Variants in EXT1 observed in about 807,000 individuals in gnomAD.
EXT1 encodes exostosin-1.
A neutral mutation model predicts 82.5 loss-of-function variants in EXT1; 20 were observed. The observed-to-expected ratio is 0.24, with a 90% CI of 0.17 to 0.35. The LOEUF is 0.35. Ranked by LOEUF, EXT1 falls within the 10% of genes least tolerant of loss-of-function variation. The pLI, the probability that EXT1 is intolerant of heterozygous loss-of-function variation, is 1.00. For missense variants in EXT1, 757 were observed against 936.5 expected, an observed-to-expected ratio of 0.81 and a Z score of 2.50; for synonymous variants, 348 against 350.8, an observed-to-expected ratio of 0.99 and a Z score of 0.09.
intron 1 of EXT1, among the ~76,000 whole-genome samples, chr8:117,938,448 C>T (rs1394286955): frequency 1.3e-5 from 2 of 151,912 alleles, no homozygotes; most frequent in Non-Finnish European, 2.9e-5. Flanking sequence ...AGTGACAAAG[C>T]GAGACTCCAA....
intron 1 of EXT1, among the ~76,000 whole-genome samples, chr8:117,968,199 G>T (rs1024049540): frequency 6.6e-6 from 1 of 151,878 alleles, no homozygotes; most frequent in South Asian, 2.1e-4. Context: ...TCCATCTCGG[G>T]GGCCCAAGCG....
chr8:117,858,766 A>AAGGAAGGAAGGAAGGCAGGCAGGCAGGC (rs1289892313), intron 1 of EXT1, among the ~76,000 whole-genome samples: 2 of 54,680 alleles, frequency 3.7e-5, no homozygotes, highest in South Asian at 7.6e-4. Context: ...GGAAGGAAGG[A>AAGGAAGGAAGGAAGGCAGGCAGGCAGGC]AGGCAGGCAG....
chr8:118,033,028 G>C (rs1416043155), intron 1 of EXT1, among the ~76,000 whole-genome samples: 1 of 152,166 alleles, frequency 6.6e-6, no homozygotes, highest in African/African-American at 2.4e-5. Context: ...CTGCCTATCT[G>C]GCTGTCAAGG....
intron 1 of EXT1, among the ~76,000 whole-genome samples, chr8:118,046,660 C>T (rs919154964): frequency 3.3e-5 from 5 of 152,180 alleles, no homozygotes; most frequent in African/African-American, 1.2e-4. Context: ...CCTAGAATTA[C>T]ATTTATATAC....
intron 9 of EXT1, 96 bp downstream of exon 9, chr8:117,807,121 A>G: frequency 6.8e-7 from 1 of 1,480,244 alleles, no homozygotes; most frequent in Non-Finnish European, 9.4e-7. Flanking sequence ...ATTTTCCTCA[A>G]TGCTGTTAAC....
At chr8:118,062,072 C>G (rs544743389) in intron 1 of EXT1, among the ~76,000 whole-genome samples, 1 of 152,212 alleles carries the variant, frequency 6.6e-6, no homozygotes, top group South Asian at 2.1e-4. Context: ...AAACAAGAGA[C>G]ACCAACTGTC....
intron 1 of EXT1, among the ~76,000 whole-genome samples, chr8:117,985,644 C>A (rs1339413746): frequency 6.6e-6 from 1 of 150,892 alleles, no homozygotes; most frequent in African/African-American, 2.5e-5. Context: ...ATTAGAGAAA[C>A]CTCAACAAAA....
chr8:117,837,374 A>G (rs1812205010), intron 1 of EXT1, among the ~76,000 whole-genome samples, 173 bp from the exon 2 acceptor site: 2 of 152,224 alleles, frequency 1.3e-5, no homozygotes, highest in East Asian at 3.8e-4. Flanking sequence ...CTGCATGAAG[A>G]GTAAACATGA....
chr8:118,073,540 G>A (rs1356164775), intron 1 of EXT1, among the ~76,000 whole-genome samples: 1 of 152,170 alleles, frequency 6.6e-6, no homozygotes, highest in African/African-American at 2.4e-5. Context: ...AGAACTGCCT[G>A]AGCCTGGGAC....
chr8:118,063,907 C>T (rs1816930529), intron 1 of EXT1, among the ~76,000 whole-genome samples: 1 of 152,104 alleles, frequency 6.6e-6, no homozygotes, highest in Admixed American at 6.5e-5. Flanking sequence ...CGCTCTGTGG[C>T]CCAGGCTGGA....
chr8:117,830,754 G>A (rs1297184601), intron 3 of EXT1, among the ~76,000 whole-genome samples: 2 of 152,132 alleles, frequency 1.3e-5, no homozygotes, highest in African/African-American at 4.8e-5. Flanking sequence ...TCTATGATTG[G>A]TCACCCCAGG....
rs1281989778 is a variant in EXT1 at position 117,794,850 on chromosome 8, A to C, written c.*4862T>G. On this transcript the variant is annotated 3_prime_UTR_variant, in exon 11 of 11. Coordinates refer to ENST00000378204, the MANE Select transcript of EXT1 (RefSeq NM_000127.3). ...GGTATACTTTTGTTTTTTGCGTTAC[A>C]ATTTGCCACCTAAAATAGTTCCAGT... The C allele has an allele frequency of 1.3e-5, 2 of 152,192 alleles. No homozygotes were observed. 9.4% of individuals were successfully genotyped at this position (152,192 alleles called of 1,614,324 possible).
In EXT1 at chr8:117,992,154, T is replaced by G. The variant is rs1815447358; in HGVS notation, c.962+117931A>C. 2.0e-5 allele frequency among the ~76,000 whole-genome samples: 3 copies of G among 152,242 alleles called. No homozygotes were observed. In the South Asian group the frequency reaches 6.2e-4, roughly 32 times the overall value. ...TGCCCACAGGGGCTCCTCCTTTCTCTGGAGTTTTCATCTCCCTCCCTCACT... is the reference window on the plus strand; with the variant it reads ...TGCCCACAGGGGCTCCTCCTTTCTCGGGAGTTTTCATCTCCCTCCCTCACT... On this transcript the variant is annotated intron_variant, in intron 1 of 10. Transcript: ENST00000378204.
intron 1 of EXT1, among the ~76,000 whole-genome samples, chr8:118,034,319 G>A (rs779026390): frequency 6.6e-6 from 1 of 152,068 alleles, no homozygotes; most frequent in South Asian, 2.1e-4. Context: ...TTTGTATCAG[G>A]TACATGTTTC....
chr8:118,006,445 G>GT (rs1416719874), intron 1 of EXT1, among the ~76,000 whole-genome samples: 1 of 152,100 alleles, frequency 6.6e-6, no homozygotes, highest in African/African-American at 2.4e-5. Context: ...CTTTTAGAAC[G>GT]TAACTTTCCT....
intron 1 of EXT1, among the ~76,000 whole-genome samples, chr8:118,099,228 G>T (rs763848942): frequency 6.6e-6 from 1 of 152,102 alleles, no homozygotes; most frequent in Non-Finnish European, 1.5e-5. Context: ...CACATTCTTG[G>T]GCATTGGGCC....
At chr8:117,909,186 A>T (rs192786168) in intron 1 of EXT1, among the ~76,000 whole-genome samples, 292 of 152,332 alleles carry the variant, frequency 1.9e-3, no homozygotes, top group African/African-American at 6.7e-3. Flanking sequence ...ATGGCTAAAA[A>T]AGAACAATAA....
chr8:117,802,521 T>C (rs1046078402), intron 10 of EXT1, among the ~76,000 whole-genome samples: 9 of 152,178 alleles, frequency 5.9e-5, no homozygotes, highest in African/African-American at 1.7e-4. Context: ...CAGTATTCAG[T>C]ACAGTGACAT....
chr8:117,920,488 C>T (rs1057442188), intron 1 of EXT1, among the ~76,000 whole-genome samples: 1 of 152,176 alleles, frequency 6.6e-6, no homozygotes, highest in African/African-American at 2.4e-5. Flanking sequence ...TAAATCCCTC[C>T]TGTGTTCTTT....
Sources: gnomAD v4.1 joint callset for allele counts (sites outside exome capture counted in the v4.1 genomes callset) on GRCh38, gnomAD v4.1.1 for gene constraint, MANE v1.5 for transcripts, NCBI Gene and HGNC (gene_info 2026-07-23, HGNC 2026-07-21) for gene names.